The following PUM3 variants were observed in gnomAD, a reference collection of about 807,000 sequenced individuals.
PUM3 encodes pumilio homolog 3.
Under a neutral mutation model 84.0 loss-of-function variants are expected in PUM3, and 91 were observed. That is an observed-to-expected ratio of 1.08 (90% CI 0.91 to 1.29). The LOEUF (loss-of-function observed/expected upper bound fraction) is 1.29. Among genes scored for constraint, PUM3 ranks in the 50% most tolerant of loss-of-function variants. PUM3 has a pLI of 0.00. For missense variants in PUM3, 1,067 were observed against 767.5 expected (o/e 1.39, Z -4.61); for synonymous variants, 321 against 266.7 (o/e 1.20, Z -1.98).
chr9:2,822,881 C>T (rs897715829), intron 12 of PUM3, among the ~76,000 whole-genome samples: 9 of 151,264 alleles, frequency 5.9e-5, no homozygotes, highest in African/African-American at 2.2e-4. Flanking sequence ...CTTCTGAATT[C>T]TTCTAATTTC....
chr9:2,831,138 T>C (rs1815967131), intron 6 of PUM3, 110 bp from the exon 7 acceptor site: 4 of 986,368 alleles, frequency 4.1e-6, no homozygotes, highest in Non-Finnish European at 6.2e-6. Flanking sequence ...AAAAAGGATC[T>C]GGAGAAGACA....
chr9:2,833,875 T>C (rs1456932665), intron 4 of PUM3, among the ~76,000 whole-genome samples, 156 bp downstream of exon 4: 1 of 152,194 alleles, frequency 6.6e-6, no homozygotes, highest in African/African-American at 2.4e-5. Context: ...ACGGGCAGAC[T>C]TCCAAGTACT....
chr9:2,828,896 T>C (rs1256533374), intron 8 of PUM3, 118 bp from the exon 9 acceptor site: 1 of 686,318 alleles, frequency 1.5e-6, no homozygotes, highest in Admixed American at 2.6e-5. Flanking sequence ...ATTTCCCATA[T>C]TTACATAATG....
rs1488420075 is a variant in PUM3 at position 2,824,749 on chromosome 9, C to G, written c.1102G>C (p.Ala368Pro). The part of the protein sequence containing the change: ...LAHTHDGARV[A>P]MHCLWHGTPK... The stretch of plus-strand genomic sequence containing the variant: ...GTGCCATGCCACAGGCAGTGCATGG[C>G]CACTCTGGCGCCATCGTGTGTGTGT... Residue 368 changes from alanine (A) to proline (P), a missense_variant, in exon 11 of 18, where the codon GCC becomes CCC. Ala to Pro is a conservative substitution (Grantham distance 27, BLOSUM62 -1). Coordinates refer to ENST00000397885, the MANE Select transcript of PUM3 (RefSeq NM_014878.5). The G allele has an allele frequency of 1.9e-6, 3 of 1,582,840 alleles. No individual in the cohort carries two copies. The highest frequency in any genetic ancestry group is 2.3e-5 in the South Asian group (2 of 87,104).
At chr9:2,838,312 C>A (rs908020372) in intron 2 of PUM3, 114 bp downstream of exon 2, 2 of 751,018 alleles carry the variant, frequency 2.7e-6, no homozygotes. Context: ...ACACATACTT[C>A]TTCCTACTAT....
chr9:2,842,939 T>G (rs940747999), intron 1 of PUM3, among the ~76,000 whole-genome samples: 1 of 152,184 alleles, frequency 6.6e-6, no homozygotes, highest in Non-Finnish European at 1.5e-5. Flanking sequence ...GAGTTACCCT[T>G]GACATTTTCC....
chr9:2,804,360 C>G lies in PUM3; in HGVS notation c.1918G>C (p.Glu640Gln). Residue 640 changes from glutamate to glutamine, a missense_variant, in exon 18 of 18, where the codon GAA (glutamate) becomes CAA (glutamine). Transcript: ENST00000397885. ...GTGCTCAGTTTTTCAAGTAGAATTT[C>G]TATTCCTTTGCTGGTGCTTTTGGTT... is the stretch of plus-strand genomic sequence containing the variant. The part of the protein sequence containing the change: ...EKTKSTSKGI[E>Q]ILLEKLST The G allele has an allele frequency of 6.2e-6, 10 of 1,613,824 alleles. No individual in the cohort carries two copies. The highest frequency in any genetic ancestry group is 8.5e-6 in the Non-Finnish European group (10 of 1,179,938).
rs184075081 is a variant in PUM3, at chr9:2,834,094, A to G, written c.377T>C (p.Leu126Pro). 3.4e-3 allele frequency: 5,514 copies of G among 1,613,696 alleles called. 29 individuals carry two copies. Among genetic ancestry groups the G allele is most frequent in the Admixed American group, 0.016 (951 of 59,954 alleles). ...KKKELKQSRQ[L>P]SDKTNYDIVV... ...AATGTCATAGTTGGTTTTATCACTG[A>G]GTTGTCTGCTTTGCTTCAGTTCTTT... The change falls in exon 4 of 18, where the codon CTC (leucine) becomes CCC (proline). Residue 126 changes from leucine (L) to proline (P), a missense_variant. Transcript: ENST00000397885.
At chr9:2,827,953 C>CA (rs1287592682) in intron 9 of PUM3, among the ~76,000 whole-genome samples, 1 of 152,204 alleles carries the variant, frequency 6.6e-6, no homozygotes, top group Non-Finnish European at 1.5e-5. Flanking sequence ...AGTCGGGTCC[C>CA]AAAAGCTATG....
rs1170457324 is a variant in PUM3, at chr9:2,808,068, T to G, written c.1724-164A>C. ...AACACAAAAAATTCCAGTGCAGGTT[T>G]ATCTAATGCATTTCTAAAAGAGCCA... On this transcript the variant is annotated intron_variant, in intron 16 of 17. Coordinates refer to ENST00000397885, the MANE Select transcript of PUM3 (RefSeq NM_014878.5). The G allele has an allele frequency of 2.1e-5, 12 of 567,376 alleles. No individual in the cohort carries two copies. The East Asian group carries it at 3.2e-4, about 15-fold the overall frequency. The allele number at this position is 567,376 out of a possible 1,614,324, so 35.1% of individuals were successfully genotyped here.
chr9:2,827,916 G>A (rs1032645485), intron 9 of PUM3, among the ~76,000 whole-genome samples: 1 of 152,236 alleles, frequency 6.6e-6, no homozygotes, highest in African/African-American at 2.4e-5. Flanking sequence ...AGTTGGGGGA[G>A]TGGGGAACCA....
At chr9:2,830,186 C>G (rs916199538) in intron 7 of PUM3, among the ~76,000 whole-genome samples, 5 of 151,250 alleles carry the variant, frequency 3.3e-5, no homozygotes, top group Non-Finnish European at 7.4e-5. Flanking sequence ...ATAAAAGATT[C>G]AAGGAAATAG....
intron 17 of PUM3, among the ~76,000 whole-genome samples, chr9:2,807,520 T>C (rs1821283156): frequency 7.1e-6 from 1 of 141,742 alleles, no homozygotes; most frequent in Non-Finnish European, 1.5e-5. Flanking sequence ...GGAGGAAAAC[T>C]TGAGCCCAGG....
chr9:2,807,600 CAAAAAAAAAA>C (rs71329449), intron 17 of PUM3, among the ~76,000 whole-genome samples: 6 of 67,108 alleles, frequency 8.9e-5, no homozygotes, highest in South Asian at 9.6e-4. Flanking sequence ...GACTCCATCT[CAAAAAAAAAA>C]AAAAAAAAAA....
rs1821217853 is a variant in PUM3, at chr9:2,804,343, T to C, written c.1935A>G (p.Lys645=). The C allele has an allele frequency of 1.2e-6, 2 of 1,613,496 alleles. No homozygotes were observed. Among genetic ancestry groups the C allele is most frequent in the African/African-American group, 1.3e-5 (1 of 74,836 alleles). ...TSKGIEILLE[K]LST ...TAACTCTTTCCACCTATGTGCTCAG[T>C]TTTTCAAGTAGAATTTCTATTCCTT... Residue 645 remains lysine (K), a synonymous_variant, in exon 18 of 18, where the codon AAA becomes AAG. Coordinates refer to ENST00000397885, the MANE Select transcript of PUM3 (RefSeq NM_014878.5).
chr9:2,831,809 A>G lies in PUM3; in HGVS notation c.517-465T>C, dbSNP rs115035942. 8.6e-3 allele frequency among the ~76,000 whole-genome samples: 1,315 copies of G among 152,346 alleles called. 15 individuals carry two copies. Among genetic ancestry groups the G allele is most frequent in the Middle Eastern group, 0.037 (11 of 294 alleles). On this transcript the variant is annotated intron_variant, in intron 5 of 17. Coordinates refer to ENST00000397885, the MANE Select transcript of PUM3 (RefSeq NM_014878.5). ...GATCAATCTAAAAGTCTTCCTAAAGAAATAAATACAACTATGTCCATAAAC... is the reference window on the plus strand; with the variant it reads ...GATCAATCTAAAAGTCTTCCTAAAGGAATAAATACAACTATGTCCATAAAC...
rs201493570 is a variant in PUM3 at position 2,807,860 on chromosome 9, G to C, written c.1768C>G (p.Leu590Val). 7.3e-5 allele frequency: 117 copies of C among 1,613,544 alleles called. 1 individual carries two copies. Among genetic ancestry groups the C allele is most frequent in the Middle Eastern group, 4.9e-4 (3 of 6,084 alleles). The change falls in exon 17 of 18, where the codon CTG becomes GTG. Residue 590 changes from leucine (L) to valine (V), a missense_variant. Coordinates refer to ENST00000397885, the MANE Select transcript of PUM3 (RefSeq NM_014878.5). ...TLVEHVGMKN[L>V]KSWASVNRGA... ...CGATTTACACTAGCCCAGGACTTCA[G>C]GTTCTTCATACCAACATGCTCTACA...
At chr9:2,833,322 G>A in intron 5 of PUM3, 35 bp downstream of exon 5, 1 of 1,183,694 alleles carries the variant, frequency 8.4e-7, no homozygotes, top group South Asian at 1.3e-5. Flanking sequence ...AACTTCAACT[G>A]TTAAAAATTG....
chr9:2,837,149 C>T (rs765486768), intron 3 of PUM3, 31 bp downstream of exon 3: 2 of 1,563,034 alleles, frequency 1.3e-6, no homozygotes, highest in African/African-American at 2.7e-5. Context: ...CGTTCAGGCA[C>T]TAGTTCAGGC....
Sources: allele counts gnomAD v4.1 joint callset (sites outside exome capture counted in the v4.1 genomes callset), GRCh38; gene constraint gnomAD v4.1.1; transcripts MANE v1.5; gene names NCBI Gene and HGNC (gene_info 2026-07-23, HGNC 2026-07-21).